C1QTNF7: variants seen among roughly 807,000 people sequenced by gnomAD.
The protein encoded by C1QTNF7 is complement C1q tumor necrosis factor-related protein 7.
Under a neutral mutation model 19.6 loss-of-function variants are expected in C1QTNF7, and 15 were observed. The observed-to-expected ratio is 0.76, with a 90% CI of 0.51 to 1.18. The LOEUF is 1.18. Ranked by LOEUF, C1QTNF7 falls within the 50% of genes most tolerant of loss-of-function variation. The probability of loss-of-function intolerance (pLI) is 0.00; values close to 1 mark genes in which losing one functional copy is unlikely to be tolerated. For synonymous variants in C1QTNF7, 142 were observed against 137.5 expected, an observed-to-expected ratio of 1.03 and a Z score of -0.23; for missense variants, 324 against 359.7, an observed-to-expected ratio of 0.90 and a Z score of 0.80.
upstream of C1QTNF7, chr4:15,339,878 T>G (rs1397789265): frequency 6.3e-6 from 3 of 476,062 alleles, no homozygotes; most frequent in Non-Finnish European, 1.1e-5. Context: ...CTCTTTGAAA[T>G]GTGAGTATTA....
At chr4:15,394,756 G>A (rs982205970) in intron 1 of C1QTNF7, among the ~76,000 whole-genome samples, 1 of 152,176 alleles carries the variant, frequency 6.6e-6, no homozygotes, top group African/African-American at 2.4e-5. Flanking sequence ...GGGGATCACA[G>A]GAGAGATGAT....
intron 1 of C1QTNF7, among the ~76,000 whole-genome samples, chr4:15,379,106 T>A (rs12642147): frequency 6.6e-6 from 1 of 152,144 alleles, no homozygotes; most frequent in Non-Finnish European, 1.5e-5. Flanking sequence ...GTACTGTTAT[T>A]TTTTGCTTAC....
At chr4:15,344,420 A>T (rs1716647527) in intron 1 of C1QTNF7, among the ~76,000 whole-genome samples, 1 of 152,190 alleles carries the variant, frequency 6.6e-6, no homozygotes, top group African/African-American at 2.4e-5. Flanking sequence ...GCTGTTAAGG[A>T]GTGGAGGTGC....
In C1QTNF7 at chr4:15,404,837, G is replaced by T. The variant is rs551138879; in HGVS notation, c.14-30899G>T. On this transcript the variant is annotated intron_variant, in intron 1 of 2. Coordinates refer to the C1QTNF7 transcript ENST00000295297. ...AACAGAACTCATTCTTATATTAAGT[G>T]GCAATTTAACAACACATCCCCAAAG... Among the ~76,000 whole-genome samples the T allele has an allele frequency of 2.0e-5, 3 of 152,280 alleles. No individual in the cohort carries two copies. In the South Asian group the frequency reaches 6.2e-4, roughly 32 times the overall value.
chr4:15,386,813 G>A (rs1482729953), intron 1 of C1QTNF7, among the ~76,000 whole-genome samples: 1 of 152,164 alleles, frequency 6.6e-6, no homozygotes, highest in African/African-American at 2.4e-5. Context: ...CAGAGATAGG[G>A]TGGCCAGAGT....
At chr4:15,431,147 A>G (rs989855444) in intron 1 of C1QTNF7, among the ~76,000 whole-genome samples, 1 of 151,374 alleles carries the variant, frequency 6.6e-6, no homozygotes, top group African/African-American at 2.5e-5. Context: ...GAAAGAAAAT[A>G]GTCCAAATAC....
At chr4:15,420,920 C>G (rs893290974) in intron 1 of C1QTNF7, among the ~76,000 whole-genome samples, 2 of 142,970 alleles carry the variant, frequency 1.4e-5, no homozygotes, top group Admixed American at 1.5e-4. Context: ...TCCCAGCTCT[C>G]GCTCCAATGT....
intron 1 of C1QTNF7, among the ~76,000 whole-genome samples, chr4:15,365,749 G>A (rs1283864558): frequency 2.6e-5 from 4 of 152,122 alleles, no homozygotes; most frequent in African/African-American, 9.7e-5. Flanking sequence ...TGTCATACAT[G>A]GTGGAGAAGA....
chr4:15,388,264 T>C (rs1718415131), intron 1 of C1QTNF7, among the ~76,000 whole-genome samples: 1 of 152,204 alleles, frequency 6.6e-6, no homozygotes, highest in Admixed American at 6.5e-5. Context: ...TGTAGTATCA[T>C]TGATATGCAA....
intron 1 of C1QTNF7, among the ~76,000 whole-genome samples, chr4:15,380,942 A>T (rs1718119073): frequency 6.6e-6 from 1 of 152,098 alleles, no homozygotes. Context: ...CTCAAGAAAA[A>T]GAAAGAAAAA....
chr4:15,396,053 A>C (rs1361255435), intron 1 of C1QTNF7, among the ~76,000 whole-genome samples: 1 of 152,184 alleles, frequency 6.6e-6, no homozygotes, highest in Non-Finnish European at 1.5e-5. Flanking sequence ...TTCAGGTCAG[A>C]GCAAAGCTGC....
At chr4:15,360,949 T>C (rs531282808) in intron 1 of C1QTNF7, among the ~76,000 whole-genome samples, 173 of 152,286 alleles carry the variant, frequency 1.1e-3, no homozygotes, top group Non-Finnish European at 2.0e-3. Flanking sequence ...ATCTAACACC[T>C]ATAAGAGGAC....
rs1481052457 is a variant in C1QTNF7, at chr4:15,444,159, A to G, written c.*1360A>G. On this transcript the variant is annotated 3_prime_UTR_variant, in exon 3 of 3. Transcript: ENST00000444304. The stretch of plus-strand genomic sequence containing the variant: ...TTTGGTAACTTCCAATCCTCCTTCT[A>G]TGTATTCCTTTCTCTGCTCATTGAC... 4 of 151,960 alleles carry G rather than the reference A, an allele frequency of 2.6e-5. No homozygotes were observed. Among genetic ancestry groups the G allele is most frequent in the Admixed American group, 2.0e-4 (3 of 15,254 alleles). The allele number at this position is 151,960 out of a possible 1,614,324, so 9.4% of individuals were successfully genotyped here. A position where few individuals can be genotyped will look rare whatever the true frequency, so the allele number is the denominator to read the frequency against.
intron 1 of C1QTNF7, among the ~76,000 whole-genome samples, chr4:15,391,857 T>C (rs887672882): frequency 2.0e-5 from 3 of 152,110 alleles, no homozygotes; most frequent in Non-Finnish European, 4.4e-5. Context: ...AGCACCACTA[T>C]TTGGGCAGTT....
At chr4:15,440,768 A>G (rs1712727437) in intron 2 of C1QTNF7, among the ~76,000 whole-genome samples, 1 of 152,080 alleles carries the variant, frequency 6.6e-6, no homozygotes, top group Non-Finnish European at 1.5e-5. Context: ...AAGCTACTGC[A>G]TGGTGGTGGC....
At chr4:15,347,146 T>A (rs1295332839) in intron 1 of C1QTNF7, among the ~76,000 whole-genome samples, 1 of 152,208 alleles carries the variant, frequency 6.6e-6, no homozygotes, top group Non-Finnish European at 1.5e-5. Flanking sequence ...AAAAATGTGT[T>A]CATTGTCCTC....
chr4:15,409,210 C>A (rs1405590846), intron 1 of C1QTNF7, among the ~76,000 whole-genome samples: 1 of 152,170 alleles, frequency 6.6e-6, no homozygotes, highest in East Asian at 1.9e-4. Flanking sequence ...AGGCTGCATG[C>A]AGCTGAAATA....
chr4:15,339,899 C>T, upstream of C1QTNF7: 5 of 522,170 alleles, frequency 9.6e-6, no homozygotes, highest in Admixed American at 3.5e-5. Flanking sequence ...TGGGAAGGAT[C>T]GCAGTTGCTT....
intron 1 of C1QTNF7, among the ~76,000 whole-genome samples, chr4:15,383,258 A>G (rs78537793): frequency 0.041 from 6,246 of 152,164 alleles, 201 homozygotes; most frequent in Middle Eastern, 0.078. Context: ...ATCCCCCCAA[A>G]TGATAATTTT....
Sources: allele counts gnomAD v4.1 joint callset (sites outside exome capture counted in the v4.1 genomes callset), GRCh38; gene constraint gnomAD v4.1.1; transcripts MANE v1.5; gene names NCBI Gene and HGNC (gene_info 2026-07-23, HGNC 2026-07-21).